The following RABL6 variants were observed in gnomAD, a reference collection of about 807,000 sequenced individuals.
The protein encoded by RABL6 is rab-like protein 6.
A neutral mutation model predicts 72.9 loss-of-function variants in RABL6; 28 were observed. The observed-to-expected ratio is 0.38, with a 90% confidence interval of 0.28 to 0.53. The LOEUF is 0.53. RABL6 is among the 20% of genes least tolerant of loss of function. The pLI is 0.80. For missense variants in RABL6, 1,029 were observed against 1,008.4 expected (o/e 1.02, Z -0.28); for synonymous variants, 477 against 421.2 (o/e 1.13, Z -1.62).
chr9:136,811,865 G>T (rs1223478499), intron 1 of RABL6, among the ~76,000 whole-genome samples: 2 of 152,144 alleles, frequency 1.3e-5, no homozygotes, highest in Non-Finnish European at 2.9e-5. Context: ...AATTCCAGAA[G>T]GGAGGAGGCC....
intron 2 of RABL6, 56 bp downstream of exon 2, chr9:136,823,715 C>T: frequency 6.6e-7 from 1 of 1,520,988 alleles, no homozygotes; most frequent in Admixed American, 2.1e-5. Flanking sequence ...CTCCCTCAGC[C>T]CTGGTTCCTG....
intron 7 of RABL6, 196 bp from the exon 8 acceptor site, chr9:136,835,546 C>G: frequency 1.8e-6 from 1 of 558,044 alleles, no homozygotes; most frequent in Non-Finnish European, 3.2e-6. Flanking sequence ...TGCCGGCCAC[C>G]GCAGAGGAAT....
chr9:136,817,620 C>CCGACG (rs1848147648), intron 1 of RABL6, among the ~76,000 whole-genome samples: 2 of 67,480 alleles, frequency 3.0e-5, no homozygotes, highest in Admixed American at 3.3e-4. Context: ...GGGCTGAGGT[C>CCGACG]TCTGTCTGAT....
chr9:136,839,344 C>G lies in RABL6; in HGVS notation c.1616C>G (p.Pro539Arg), dbSNP rs781552229. ...GPEKRSSTRP[P>R]AEMEPGKGEQ... is the part of the protein sequence containing the mutation. ...GAGAAGCGCAGCAGCACCAGGCCCC[C>G]TGCTGAGATGGAGCCGGGGAAGGGT... The change falls in exon 12 of 15, where the codon CCT becomes CGT. Residue 539 changes from proline (P) to arginine (R), a missense_variant. Pro to Arg is a moderately radical substitution (Grantham distance 103, BLOSUM62 -2). Around this residue, in one of 2 missense-constraint regions of RABL6, gnomAD observed 595 missense variants for 472.4 expected, o/e 1.26. Coordinates refer to ENST00000311502, the MANE Select transcript of RABL6 (RefSeq NM_024718.5). The G allele has an allele frequency of 3.5e-5, 56 of 1,612,614 alleles. 3 individuals carry two copies. In the South Asian group the frequency reaches 6.0e-4, roughly 17 times the overall value.
rs751187546 is a variant in RABL6, at chr9:136,839,042, G to A, written c.1414G>A (p.Glu472Lys). 19 of 1,612,576 alleles carry A rather than the reference G, an allele frequency of 1.2e-5. No homozygotes were observed. The East Asian group carries it at 4.0e-4, about 34-fold the overall frequency. Residue 472 changes from glutamate (E) to lysine (K), a missense_variant, in exon 11 of 15, where the codon GAG becomes AAG. Coordinates refer to ENST00000311502, the MANE Select transcript of RABL6 (RefSeq NM_024718.5). Reference sequence around the variant, plus strand: ...CAGTCAAGACATCACTCTTTCGAGTGAGGAGGAAGCAGAAGTGGCAGCTCC... The same window carrying A: ...CAGTCAAGACATCACTCTTTCGAGTAAGGAGGAAGCAGAAGTGGCAGCTCC... ...VPSQDITLSSEEEAEVAAPTK... is the reference protein window; with the variant it reads ...VPSQDITLSSKEEAEVAAPTK...
At chr9:136,820,313 T>C (rs1185642517) in intron 1 of RABL6, among the ~76,000 whole-genome samples, 8 of 152,056 alleles carry the variant, frequency 5.3e-5, no homozygotes, top group Non-Finnish European at 4.4e-5. Context: ...TGCAGTGAGC[T>C]AGGATGGTGC....
intron 8 of RABL6, chr9:136,836,968 G>A: frequency 5.3e-6 from 2 of 376,180 alleles, no homozygotes; most frequent in Non-Finnish European, 1.0e-5. Context: ...CCGCCTCCCG[G>A]GTTCACGCCA....
chr9:136,840,454 G>A lies in RABL6; in HGVS notation c.2122G>A (p.Glu708Lys), dbSNP rs1229846240. 1.3e-6 allele frequency: 2 copies of A among 1,542,044 alleles called. No homozygotes were observed. The change falls in exon 15 of 15, where the codon GAG becomes AAG. Residue 708 changes from glutamate to lysine, a missense_variant. By Grantham distance (56) the Glu-to-Lys change is moderately conservative. This residue lies in a region of RABL6 where 595 missense variants were observed against 472.4 expected (regional missense o/e 1.26). Transcript: ENST00000311502. ...GGAGAGGACGGCTGCCGATGAGCTG[G>A]AGGCTTTCCTGGGGGGCGGGGCCCC... Reference protein sequence around the residue: ...SRERTAADELEAFLGGGAPGG... With the variant: ...SRERTAADELKAFLGGGAPGG...
intron 5 of RABL6, 60 bp downstream of exon 5, chr9:136,829,544 G>T (rs574200970): frequency 6.3e-6 from 9 of 1,423,376 alleles, no homozygotes; most frequent in African/African-American, 1.4e-5. Flanking sequence ...CCCCTTGGGC[G>T]CCCTCTTTGT....
intron 1 of RABL6, chr9:136,813,965 T>G (rs1432934397): frequency 2.6e-6 from 1 of 385,264 alleles, no homozygotes; most frequent in Admixed American, 3.4e-5. Context: ...TAAGGGAGAT[T>G]TGTAGCCAAA....
At chr9:136,838,883 T>C in intron 10 of RABL6, 26 bp from the exon 11 acceptor site, 1 of 1,526,172 alleles carries the variant, frequency 6.6e-7, no homozygotes, top group Non-Finnish European at 8.8e-7. Context: ...CCGTGGCCCT[T>C]GACCGCTTTG....
intron 1 of RABL6, 98 bp from the exon 2 acceptor site, chr9:136,823,427 G>T: frequency 6.8e-7 from 1 of 1,468,872 alleles, no homozygotes; most frequent in Non-Finnish European, 9.2e-7. Flanking sequence ...GATGAAACAG[G>T]TGGCAGCAGA....
Position 136,841,024 on chromosome 9 carries a change from G to A in RABL6, c.*502G>A, listed in dbSNP as rs1848687710. Reference sequence around the variant, plus strand: ...GGCCCAGGCCCCACGCTAGAAGGCTGGCGAGACCGAAGGCAGCATGTGAGG... The same window carrying A: ...GGCCCAGGCCCCACGCTAGAAGGCTAGCGAGACCGAAGGCAGCATGTGAGG... On this transcript the variant is annotated 3_prime_UTR_variant, in exon 15 of 15. Coordinates refer to ENST00000311502, the MANE Select transcript of RABL6 (RefSeq NM_024718.5). The A allele has an allele frequency of 7.0e-7, 1 of 1,433,334 alleles. No individual in the cohort carries two copies. The highest frequency in any genetic ancestry group is 9.2e-7 in the Non-Finnish European group (1 of 1,091,430). 88.8% of individuals were successfully genotyped at this position (1,433,334 alleles called of 1,614,324 possible).
At chr9:136,830,399 C>T (rs1848448209) in intron 5 of RABL6, among the ~76,000 whole-genome samples, 1 of 152,278 alleles carries the variant, frequency 6.6e-6, no homozygotes, top group Non-Finnish European at 1.5e-5. Context: ...CAGCCTTCAG[C>T]ACCACCACCA....
At chr9:136,839,634 C>T (rs1848651020) in intron 12 of RABL6, 60 bp from the exon 13 acceptor site, 20 of 1,545,994 alleles carry the variant, frequency 1.3e-5, no homozygotes, top group Non-Finnish European at 1.7e-5. Flanking sequence ...GTTTGAGATC[C>T]CACAACCCCT....
Position 136,840,581 on chromosome 9 carries a change from G to A in RABL6, c.*59G>A. The A allele has an allele frequency of 1.9e-6, 3 of 1,548,988 alleles. No homozygotes were observed. The highest frequency in any genetic ancestry group is 1.7e-6 in the Non-Finnish European group (2 of 1,146,742). ...GGCGTGCCTGTCACTGCCTGGGGAG[G>A]CATTTGCCTCTGTACCATCGCCTTT... On this transcript the variant is annotated 3_prime_UTR_variant, in exon 15 of 15. Coordinates refer to ENST00000311502, the MANE Select transcript of RABL6 (RefSeq NM_024718.5).
At position 136,808,337 on chromosome 9, in the gene RABL6, C is replaced by A; in HGVS notation, c.130+11C>A. On this transcript the variant is annotated intron_variant, in intron 1 of 14. Coordinates refer to ENST00000311502, the MANE Select transcript of RABL6 (RefSeq NM_024718.5). ...GGGTGCAGTACAACAGTGAGTGCGG[C>A]GGGCCGGGGGGGCGCGGGAGCGCCG... The A allele has an allele frequency of 6.6e-7, 1 of 1,511,010 alleles. No individual in the cohort carries two copies. The allele number at this position is 1,511,010 out of a possible 1,614,324, so 93.6% of individuals were successfully genotyped here.
chr9:136,833,638 C>A, intron 7 of RABL6: 2 of 1,526,142 alleles, frequency 1.3e-6, no homozygotes, highest in Non-Finnish European at 1.8e-6. Context: ...GGGACCTGAA[C>A]CTCCTCGCCC....
chr9:136,818,292 G>A (rs1848161377), intron 1 of RABL6, among the ~76,000 whole-genome samples: 1 of 140,690 alleles, frequency 7.1e-6, no homozygotes, highest in Non-Finnish European at 1.5e-5. Flanking sequence ...GAACCCAGGA[G>A]ACGGAGCTTG....
Sources: allele counts gnomAD v4.1 joint callset (sites outside exome capture counted in the v4.1 genomes callset), GRCh38; gene constraint gnomAD v4.1.1; regional missense constraint gnomAD v4.1.1; transcripts MANE v1.5; gene names NCBI Gene and HGNC (gene_info 2026-07-23, HGNC 2026-07-21).